PARD3B: variants seen among roughly 807,000 people sequenced by gnomAD.
The protein encoded by PARD3B is par-3 family cell polarity regulator beta, also known as partitioning defective 3 homolog B.
PARD3B carries 103 observed loss-of-function variants against 130.2 expected under a neutral mutation model. The ratio of observed to expected loss-of-function variants is 0.79; its 90% CI spans 0.67 to 0.93. The LOEUF is 0.93. Ranked by LOEUF, PARD3B falls within the 40% of genes least tolerant of loss-of-function variation. PARD3B has a pLI of 0.00. For synonymous variants in PARD3B, 583 were observed against 553.2 expected, an observed-to-expected ratio of 1.05 and a Z score of -0.76; for missense variants, 1,609 against 1,499.2, an observed-to-expected ratio of 1.07 and a Z score of -1.21.
rs2042012913 is a variant in PARD3B at position 205,301,843 on chromosome 2, C to T, written c.2630+142C>T. ...TACGGCTCTCAATTCTGTGCTCGTT[C>T]TCTTTCTGCAGAGGCAGAGGAGCTT... is the stretch of plus-strand genomic sequence containing the variant. On this transcript the variant is annotated intron_variant, in intron 18 of 22. Transcript: ENST00000406610. The surrounding 1 kb of genome is among the most constrained non-coding windows in gnomAD (Gnocchi z 5.2). The T allele has an allele frequency of 7.4e-7, 1 of 1,343,402 alleles. No homozygotes were observed. The highest frequency in any genetic ancestry group is 1.4e-5 in the African/African-American group (1 of 69,460). 83.2% of individuals were successfully genotyped at this position (1,343,402 alleles called of 1,614,324 possible).
intron 6 of PARD3B, among the ~76,000 whole-genome samples, chr2:205,118,139 G>A (rs1031301481): frequency 4.6e-5 from 7 of 152,144 alleles, no homozygotes; most frequent in Admixed American, 4.6e-4. Flanking sequence ...ACTCGGAAGC[G>A]GGGTCTGCTA....
chr2:205,013,280 C>T (rs989676744), intron 3 of PARD3B, among the ~76,000 whole-genome samples: 11 of 152,088 alleles, frequency 7.2e-5, no homozygotes, highest in South Asian at 6.2e-4. Flanking sequence ...CTCTTTTGTT[C>T]GTCTGTCTTC....
chr2:204,752,970 A>G (rs892883902), intron 2 of PARD3B, among the ~76,000 whole-genome samples: 7 of 152,210 alleles, frequency 4.6e-5, no homozygotes, highest in African/African-American at 1.7e-4. Context: ...AATCCAAATT[A>G]TCTGCTTACT....
rs1409416911 is a variant in PARD3B at position 205,300,595 on chromosome 2, C to T, written c.2251C>T (p.Gln751Ter). Residue 751 changes from glutamine to a stop codon, truncating the protein, a stop_gained, in exon 17 of 23, where the codon CAG becomes TAG. Coordinates refer to ENST00000406610, the MANE Select transcript of PARD3B (RefSeq NM_001302769.2). LOFTEE classifies it high-confidence loss of function. This position sits in a 1 kb window ranked among gnomAD's most constrained non-coding sequence, Gnocchi z 4.1. ...LKKSSSLESL[Q>*]TAVAEVRKND... ...AAAGTCCAGCTCCTTGGAGAGTCTGCAGACTGCAGTGGCCGAGGTCAGGAA... is the reference window on the plus strand; with the variant it reads ...AAAGTCCAGCTCCTTGGAGAGTCTGTAGACTGCAGTGGCCGAGGTCAGGAA... 6 of 1,613,798 alleles carry T rather than the reference C, an allele frequency of 3.7e-6. No homozygotes were observed. Among genetic ancestry groups the T allele is most frequent in the Non-Finnish European group, 5.1e-6 (6 of 1,180,012 alleles).
intron 15 of PARD3B, among the ~76,000 whole-genome samples, chr2:205,242,813 G>C (rs1305835942): frequency 6.6e-6 from 1 of 151,838 alleles, no homozygotes; most frequent in Non-Finnish European, 1.5e-5. Context: ...TTTTCATTTA[G>C]TTCCAACTCT....
At position 205,121,779 on chromosome 2, in the gene PARD3B, A is replaced by G. The variant is rs779613370; in HGVS notation, c.995A>G (p.Asn332Ser). Residue 332 changes from asparagine (N) to serine (S), a missense_variant, in exon 8 of 23, where the codon AAT becomes AGT. Transcript: ENST00000406610. This position sits in a 1 kb window ranked among gnomAD's most constrained non-coding sequence, Gnocchi z 5.0. ...VHGKSGLKTA[N>S]LTGTDSPETD... ...GGAAAATCGGGACTAAAGACAGCAA[A>G]TCTCACAGGAACCGATAGTCCTGAA... is the stretch of plus-strand genomic sequence containing the variant. The G allele has an allele frequency of 1.2e-6, 2 of 1,613,980 alleles. No individual in the cohort carries two copies. Among genetic ancestry groups the G allele is most frequent in the African/African-American group, 2.7e-5 (2 of 74,886 alleles).
intron 21 of PARD3B, among the ~76,000 whole-genome samples, chr2:205,549,521 A>AAAAG (rs2052524541): frequency 6.6e-6 from 1 of 152,190 alleles, no homozygotes; most frequent in Admixed American, 6.5e-5. Flanking sequence ...ATGACCAAGT[A>AAAAG]AAAGAAGCCA....
At chr2:205,238,876 ATG>A (rs2039207029) in intron 15 of PARD3B, among the ~76,000 whole-genome samples, 3 of 87,842 alleles carry the variant, frequency 3.4e-5, no homozygotes, top group African/African-American at 4.9e-5. Context: ...ATATATATAT[ATG>A]TATGTGTGTA....
At chr2:204,800,021 A>G (rs867209348) in intron 2 of PARD3B, among the ~76,000 whole-genome samples, 1 of 152,180 alleles carries the variant, frequency 6.6e-6, no homozygotes, top group South Asian at 2.1e-4. Context: ...ACGTGATCTC[A>G]CCAAACAAAT....
chr2:204,642,322 C>T (rs530742054), intron 1 of PARD3B, among the ~76,000 whole-genome samples: 3 of 152,184 alleles, frequency 2.0e-5, no homozygotes, highest in Non-Finnish European at 4.4e-5. Context: ...GCAGGCGACA[C>T]TGTGCTTGGG....
intron 2 of PARD3B, among the ~76,000 whole-genome samples, chr2:204,758,214 T>C (rs1204964304): frequency 1.3e-5 from 2 of 152,058 alleles, no homozygotes; most frequent in Non-Finnish European, 2.9e-5. Context: ...CCAAGATGGG[T>C]GTTCCAAGAA....
At chr2:205,195,852 T>C (rs569925851) in intron 15 of PARD3B, among the ~76,000 whole-genome samples, 8 of 152,234 alleles carry the variant, frequency 5.3e-5, no homozygotes, top group African/African-American at 1.7e-4. Flanking sequence ...CTTCTATTTG[T>C]TACATAATTA....
At chr2:205,337,872 G>T (rs943079310) in intron 18 of PARD3B, among the ~76,000 whole-genome samples, 1 of 152,006 alleles carries the variant, frequency 6.6e-6, no homozygotes, top group South Asian at 2.1e-4. Context: ...AATGCTGGCC[G>T]GGCATGGTGG....
At chr2:205,314,473 C>T (rs1222560753) in intron 18 of PARD3B, among the ~76,000 whole-genome samples, 1 of 152,158 alleles carries the variant, frequency 6.6e-6, no homozygotes, top group Non-Finnish European at 1.5e-5. Context: ...ATTTTCCTGA[C>T]AAGGCAACAT....
intron 11 of PARD3B, among the ~76,000 whole-genome samples, chr2:205,169,815 A>C (rs1051130187): frequency 6.6e-6 from 1 of 152,190 alleles, no homozygotes. Context: ...TTTAGTAACA[A>C]GATTCAGCCC....
chr2:205,211,923 C>G (rs556522310), intron 15 of PARD3B, among the ~76,000 whole-genome samples: 1 of 151,972 alleles, frequency 6.6e-6, no homozygotes, highest in African/African-American at 2.4e-5. Flanking sequence ...AAGGGGGTAC[C>G]AATGAATTGG....
chr2:205,612,819 C>T (rs2055282443), intron 22 of PARD3B, among the ~76,000 whole-genome samples: 1 of 152,186 alleles, frequency 6.6e-6, no homozygotes, highest in African/African-American at 2.4e-5. Flanking sequence ...CAATATGGGA[C>T]CACAAAAGTA....
At chr2:204,691,357 A>G (rs901488898) in intron 2 of PARD3B, among the ~76,000 whole-genome samples, 7 of 152,242 alleles carry the variant, frequency 4.6e-5, no homozygotes, top group Admixed American at 1.3e-4. Context: ...TAACATGGAA[A>G]GATGCCTCTG....
chr2:204,567,544 T>G (rs551485735), intron 1 of PARD3B, among the ~76,000 whole-genome samples: 1 of 152,364 alleles, frequency 6.6e-6, no homozygotes, highest in African/African-American at 2.4e-5. Context: ...GTTTCAGAAT[T>G]TCCTTCCTTA....
Sources: allele counts gnomAD v4.1 joint callset (sites outside exome capture counted in the v4.1 genomes callset), GRCh38; gene constraint gnomAD v4.1.1; non-coding constraint Gnocchi (gnomAD v3.1); transcripts MANE v1.5; gene names NCBI Gene and HGNC (gene_info 2026-07-23, HGNC 2026-07-21).